The following MYO1F variants were observed in gnomAD, a reference collection of about 807,000 sequenced individuals.
The protein encoded by MYO1F is unconventional myosin-If.
MYO1F carries 60 observed loss-of-function variants against 146.6 expected under a neutral mutation model. The ratio of observed to expected loss-of-function variants is 0.41; its 90% confidence interval spans 0.33 to 0.51. The LOEUF (loss-of-function observed/expected upper bound fraction) is 0.51, where lower values mean the gene tolerates loss of function less well. Among genes scored for constraint, MYO1F ranks in the 20% least tolerant of loss-of-function variants. The pLI is 0.25. For missense variants in MYO1F, 1,274 were observed against 1,534.3 expected, an observed-to-expected ratio of 0.83 and a Z score of 2.83; for synonymous variants, 602 against 602.1, an observed-to-expected ratio of 1.00 and a Z score of 0.00.
rs190199003 is a variant in MYO1F, at chr19:8,560,213, G to A, written c.4-4417C>T. Among the ~76,000 whole-genome samples, 463 of 151,926 alleles carry A rather than the reference G, an allele frequency of 3.0e-3. 3 individuals are homozygous for A. The highest frequency in any genetic ancestry group is 5.1e-3 in the Non-Finnish European group (344 of 67,960). On this transcript the variant is annotated intron_variant, in intron 1 of 27. Transcript: ENST00000644032. ...AAAGAACAGGTTCTTGGCTGGGCGC[G>A]GTGGCTCACGCCTGTAATCCCAGCA...
intron 25 of MYO1F, among the ~76,000 whole-genome samples, chr19:8,523,107 C>T (rs564473235): frequency 6.6e-6 from 1 of 151,478 alleles, no homozygotes; most frequent in Non-Finnish European, 1.5e-5. Flanking sequence ...TCTCGGCTCA[C>T]TGCAAGCTCC....
At position 8,540,010 on chromosome 19, in the gene MYO1F, G is replaced by T; in HGVS notation, c.1629C>A (p.Leu543=). The T allele has an allele frequency of 1.2e-6, 2 of 1,612,156 alleles. No homozygotes were observed. The highest frequency in any genetic ancestry group is 1.7e-6 in the Non-Finnish European group (2 of 1,178,838). ...QTSEQAFLRM[L]FPEKLDGDKK... is the part of the protein sequence containing the mutation. The stretch of plus-strand genomic sequence containing the variant: ...TGTCTCCATCCAGCTTCTCGGGGAA[G>T]AGCATCCGGAGGAAGGCCCTGGGTA... The change falls in exon 16 of 28, where the codon CTC becomes CTA. Residue 543 remains leucine (L), a synonymous_variant. Transcript: ENST00000644032.
chr19:8,540,711 C>CAAAAAA (rs532470178), intron 15 of MYO1F, among the ~76,000 whole-genome samples: 1 of 142,834 alleles, frequency 7.0e-6, no homozygotes. Context: ...GACACTGTCT[C>CAAAAAA]CAAAAAAAAA....
chr19:8,537,028 G>T lies in MYO1F; in HGVS notation c.1720C>A (p.Leu574Met). The change falls in exon 17 of 28, where the codon CTG becomes ATG. Residue 574 changes from leucine to methionine, a missense_variant. Around this residue, in one of 2 missense-constraint regions of MYO1F, gnomAD observed 900 missense variants for 1,155.1 expected, o/e 0.78. Transcript: ENST00000644032. ...ATGTAGTGGGGTGTGCACCTCATCA[G>T]TGTGGCCACCAGGTCGTTGGCTTGT... Reference protein sequence around the residue: ...KKQANDLVATLMRCTPHYIRC... With the variant: ...KKQANDLVATMMRCTPHYIRC... 1 of 1,613,408 alleles carries T rather than the reference G, an allele frequency of 6.2e-7. No individual in the cohort carries two copies.
Position 8,522,533 on chromosome 19 carries a change from G to T in MYO1F, c.3064C>A (p.Arg1022Ser), listed in dbSNP as rs751725183. The change falls in exon 27 of 28, where the codon CGC becomes AGC. Residue 1022 changes from arginine (R) to serine (S), a missense_variant. By Grantham distance (110) the Arg-to-Ser change is moderately radical. Coordinates refer to ENST00000644032, the MANE Select transcript of MYO1F (RefSeq NM_012335.4). ...DQGMAGMQRK[R>S]SVGQRPVPGV... Reference sequence around the variant, plus strand: ...GGCACTGGCCGTTGCCCCACGCTGCGCTTCCTCTGCATGCTGTGGGCACAG... The same window carrying T: ...GGCACTGGCCGTTGCCCCACGCTGCTCTTCCTCTGCATGCTGTGGGCACAG... 6.2e-7 allele frequency: 1 copy of T among 1,612,306 alleles called. No individual in the cohort carries two copies. Among genetic ancestry groups the T allele is most frequent in the African/African-American group, 1.3e-5 (1 of 75,018 alleles).
Position 8,544,321 on chromosome 19 carries a change from G to T in MYO1F, c.1500C>A (p.Phe500Leu), listed in dbSNP as rs371153488. 2 of 1,613,046 alleles carry T rather than the reference G, an allele frequency of 1.2e-6. No individual in the cohort carries two copies. ...HEHFNSWSAG[F>L]VIHHYAGKVS... is the part of the protein sequence containing the mutation. ...CCTTGCCAGCGTAGTGGTGGATGAC[G>T]AAGCCGGCGCTCCAGCTGTTGAAAT... The change falls in exon 14 of 28, where the codon TTC becomes TTA. Residue 500 changes from phenylalanine (F) to leucine (L), a missense_variant. Phe to Leu is a conservative substitution (Grantham distance 22). Around this residue, in one of 2 missense-constraint regions of MYO1F, gnomAD observed 900 missense variants for 1,155.1 expected, o/e 0.78. Coordinates refer to ENST00000644032, the MANE Select transcript of MYO1F (RefSeq NM_012335.4).
At chr19:8,544,530 G>A (rs1047733608) in intron 13 of MYO1F, 66 bp from the exon 14 acceptor site, 3 of 1,536,768 alleles carry the variant, frequency 2.0e-6, no homozygotes, top group African/African-American at 1.4e-5. Flanking sequence ...CAGCTCGTCA[G>A]TGCAGAGATT....
intron 14 of MYO1F, among the ~76,000 whole-genome samples, chr19:8,543,765 GTGCTGGTGGTGCTGGTGGTGC>G (rs1973132290): frequency 5.2e-4 from 5 of 9,568 alleles, no homozygotes; most frequent in East Asian, 3.0e-3. Context: ...GGTGGTGGTG[GTGCTGGTGGTGCTGGTGGTGC>G]TGGTGGTGGT....
At position 8,526,561 on chromosome 19, in the gene MYO1F, C is replaced by T. The variant is rs1308543487; in HGVS notation, c.2662G>A (p.Gly888Ser). ...CGGGAGAAGGTGACGCTGCGGGTGC[C>T]GCCACCGCCCCAGCCCTCCTTCTTC... ...RVKKEGWGGG[G>S]TRSVTFSRGF... The change falls in exon 24 of 28, where the codon GGC becomes AGC. Residue 888 changes from glycine to serine, a missense_variant. Gly to Ser is a moderately conservative substitution (Grantham distance 56). Coordinates refer to ENST00000644032, the MANE Select transcript of MYO1F (RefSeq NM_012335.4). The T allele has an allele frequency of 1.1e-5, 17 of 1,598,108 alleles. No homozygotes were observed. Among genetic ancestry groups the T allele is most frequent in the African/African-American group, 1.3e-5 (1 of 74,852 alleles).
chr19:8,540,034 T>TA lies in MYO1F; in HGVS notation c.1611-7dup, dbSNP rs1972893514. 6.2e-7 allele frequency: 1 copy of TA among 1,607,724 alleles called. No homozygotes were observed. Among genetic ancestry groups the TA allele is most frequent in the African/African-American group, 1.3e-5 (1 of 74,604 alleles). On this transcript the variant is annotated splice_region_variant and splice_polypyrimidine_tract_variant and intron_variant, in intron 15 of 27. Coordinates refer to ENST00000644032, the MANE Select transcript of MYO1F (RefSeq NM_012335.4). ...AGAGCATCCGGAGGAAGGCCCTGGG[T>TA]AGGAAAGGGGAGAGGAGGAGTTGGA...
intron 7 of MYO1F, 25 bp from the exon 8 acceptor site, chr19:8,551,899 A>G: frequency 6.2e-7 from 1 of 1,613,946 alleles, no homozygotes; most frequent in Non-Finnish European, 8.5e-7. Flanking sequence ...ATGTTCATGC[A>G]TCTGGTGCTT....
chr19:8,560,927 C>CA (rs1243148384), intron 1 of MYO1F, among the ~76,000 whole-genome samples: 3 of 151,914 alleles, frequency 2.0e-5, no homozygotes, highest in Non-Finnish European at 4.4e-5. Flanking sequence ...TTGGTAGAGA[C>CA]GGGGTTTCAC....
intron 2 of MYO1F, chr19:8,555,376 CAAAAAAAAAAAAAAAAAAA>C (rs886749061): frequency 2.0e-5 from 2 of 100,286 alleles, no homozygotes; most frequent in East Asian, 2.7e-4. Context: ...GACTCCGTCT[CAAAAAAAAAAAAAAAAAAA>C]AAAAAAAAAA....
chr19:8,532,940 AC>A (rs1568337764), intron 19 of MYO1F, among the ~76,000 whole-genome samples: 12 of 150,896 alleles, frequency 8.0e-5, no homozygotes, highest in African/African-American at 2.9e-4. Context: ...ACACACACAC[AC>A]ACACACACAA....
At chr19:8,532,942 AC>A (rs1972550878) in intron 19 of MYO1F, among the ~76,000 whole-genome samples, 1 of 149,402 alleles carries the variant, frequency 6.7e-6, no homozygotes, top group African/African-American at 2.5e-5. Context: ...ACACACACAC[AC>A]ACACACAATT....
At chr19:8,554,812 C>A in intron 2 of MYO1F, 69 bp from the exon 3 acceptor site, 2 of 1,376,736 alleles carry the variant, frequency 1.5e-6, no homozygotes, top group Middle Eastern at 1.8e-4. Flanking sequence ...CATCCTGCCC[C>A]CACCCAGGGC....
At chr19:8,550,412 C>T in intron 9 of MYO1F, 56 bp from the exon 10 acceptor site, 1 of 1,584,830 alleles carries the variant, frequency 6.3e-7, no homozygotes, top group Non-Finnish European at 8.6e-7. Flanking sequence ...TCTTGTGCCT[C>T]CTGCATGGGC....
At position 8,530,552 on chromosome 19, in the gene MYO1F, G is replaced by A. The variant is rs1972443739; in HGVS notation, c.2065C>T (p.Arg689Ter). The stretch of plus-strand genomic sequence containing the variant: ...GCAAAGCCATCGAACTTTCGCTCTC[G>A]CACCTCCTCCAGGAGGAAAAGCTGG... Reference protein sequence around the residue: ...PESLFLLEEVRERKFDGFART... With the variant: ...PESLFLLEEV The change falls in exon 20 of 28, where the codon CGA becomes TGA. Residue 689 changes from arginine to a stop codon, truncating the protein, a stop_gained. Transcript: ENST00000644032. LOFTEE classifies it high-confidence loss of function. The surrounding 1 kb of genome is among the most constrained non-coding windows in gnomAD (Gnocchi z 5.8). 4 of 1,612,470 alleles carry A rather than the reference G, an allele frequency of 2.5e-6. No individual in the cohort carries two copies. Among genetic ancestry groups the A allele is most frequent in the Non-Finnish European group, 3.4e-6 (4 of 1,180,006 alleles).
chr19:8,561,111 T>C (rs1303500380), intron 1 of MYO1F, among the ~76,000 whole-genome samples: 1 of 152,018 alleles, frequency 6.6e-6, no homozygotes, highest in Non-Finnish European at 1.5e-5. Context: ...CTATAACTCC[T>C]GGGCTCAAGT....
Sources: allele counts gnomAD v4.1 joint callset (sites outside exome capture counted in the v4.1 genomes callset), GRCh38; gene constraint gnomAD v4.1.1; regional missense constraint gnomAD v4.1.1; non-coding constraint Gnocchi (gnomAD v3.1); transcripts MANE v1.5; gene names NCBI Gene and HGNC (gene_info 2026-07-23, HGNC 2026-07-21).